The following SPTAN1 variants were observed in gnomAD, a reference collection of about 807,000 sequenced individuals.
SPTAN1 encodes the protein spectrin alpha chain, non-erythrocytic 1.
A neutral mutation model predicts 331.3 loss-of-function variants in SPTAN1; 61 were observed. The observed-to-expected ratio is 0.18, with a 90% confidence interval of 0.15 to 0.23. The LOEUF (loss-of-function observed/expected upper bound fraction) is 0.23. Ranked by LOEUF, SPTAN1 falls within the 10% of genes least tolerant of loss-of-function variation. SPTAN1 has a pLI of 1.00. For synonymous variants in SPTAN1, 1,153 were observed against 1,173.9 expected, an observed-to-expected ratio of 0.98 and a Z score of 0.36; for missense variants, 2,043 against 3,147.9, an observed-to-expected ratio of 0.65 and a Z score of 8.40.
At chr9:128,583,599 A>G (rs1226305752) in intron 15 of SPTAN1, among the ~76,000 whole-genome samples, 189 bp from the exon 16 acceptor site, 2 of 152,170 alleles carry the variant, frequency 1.3e-5, no homozygotes, top group Non-Finnish European at 2.9e-5. Context: ...GGGGGTTAGA[A>G]TGCTTCCAGT....
rs1858915080 is a variant in SPTAN1, at chr9:128,627,271, ATCT to A, written c.6577-113_6577-111del. The stretch of plus-strand genomic sequence containing the variant: ...TCATGTCTCCCAGCCTCCTCCTCTC[ATCT>A]TTGGGGAGGTTCCTTGTGGGGAGGC... On this transcript the variant is annotated intron_variant, in intron 49 of 56. Coordinates refer to ENST00000372739, the MANE Select transcript of SPTAN1 (RefSeq NM_001130438.3). This position sits in a 1 kb window ranked among gnomAD's most constrained non-coding sequence, Gnocchi z 4.9. The A allele has an allele frequency of 1.6e-5, 14 of 882,400 alleles. No homozygotes were observed. In the South Asian group the frequency reaches 2.2e-4, roughly 14 times the overall value. 54.7% of individuals were successfully genotyped at this position (882,400 alleles called of 1,614,324 possible). A position where few individuals can be genotyped will look rare whatever the true frequency, so the allele number is the denominator to read the frequency against.
intron 31 of SPTAN1, among the ~76,000 whole-genome samples, chr9:128,607,031 A>G (rs1476095042): frequency 1.3e-5 from 2 of 152,068 alleles, no homozygotes; most frequent in African/African-American, 4.8e-5. Context: ...TGGACATGTC[A>G]TATAAAAGGA....
intron 28 of SPTAN1, among the ~76,000 whole-genome samples, chr9:128,604,075 G>GC (rs1407213531): frequency 6.6e-6 from 1 of 152,228 alleles, no homozygotes; most frequent in Non-Finnish European, 1.5e-5. Flanking sequence ...AAAGTCAGCT[G>GC]TGTCTCTCCT....
intron 5 of SPTAN1, among the ~76,000 whole-genome samples, chr9:128,575,806 C>T (rs889202496): frequency 2.6e-5 from 4 of 152,096 alleles, no homozygotes; most frequent in African/African-American, 9.7e-5. Context: ...GGCGCTGGAG[C>T]CCATTAAGAG....
chr9:128,584,933 C>T lies in SPTAN1; in HGVS notation c.2560+90C>T, dbSNP rs547516794. On this transcript the variant is annotated intron_variant, in intron 18 of 56. Coordinates refer to ENST00000372739, the MANE Select transcript of SPTAN1 (RefSeq NM_001130438.3). ...GCATGGCCACGTGGGCATCACAAAC[C>T]AGGCTCTGGGGCTGAATACCATCCC... 11 of 1,519,718 alleles carry T rather than the reference C, an allele frequency of 7.2e-6. No individual in the cohort carries two copies. In the East Asian group the frequency reaches 2.3e-4, roughly 31 times the overall value. The allele number at this position is 1,519,718 out of a possible 1,614,324, so 94.1% of individuals were successfully genotyped here. A position where few individuals can be genotyped will look rare whatever the true frequency, so the allele number is the denominator to read the frequency against.
chr9:128,570,431 G>A (rs1405094124), intron 3 of SPTAN1, among the ~76,000 whole-genome samples: 7 of 143,368 alleles, frequency 4.9e-5, no homozygotes, highest in South Asian at 2.2e-4. Flanking sequence ...TCCACCTCCT[G>A]GGTTCAAGCA....
intron 18 of SPTAN1, among the ~76,000 whole-genome samples, chr9:128,585,103 T>G (rs1368770811): frequency 6.6e-6 from 1 of 151,164 alleles, no homozygotes; most frequent in African/African-American, 2.4e-5. Context: ...GAACCTCTGC[T>G]TCCCTAGTTC....
intron 1 of SPTAN1, among the ~76,000 whole-genome samples, chr9:128,563,628 C>T (rs374110359): frequency 3.3e-5 from 5 of 152,086 alleles, no homozygotes; most frequent in African/African-American, 9.7e-5. Flanking sequence ...TTATGGAGCT[C>T]TCTCCCTACC....
chr9:128,605,669 C>G, intron 31 of SPTAN1, among the ~76,000 whole-genome samples, 192 bp downstream of exon 31: 1 of 151,968 alleles, frequency 6.6e-6, no homozygotes, highest in East Asian at 1.9e-4. Context: ...CATGGCGAAA[C>G]CCTATTTCTA....
At chr9:128,605,657 T>C (rs1487546684) in intron 31 of SPTAN1, among the ~76,000 whole-genome samples, 180 bp downstream of exon 31, 1 of 152,000 alleles carries the variant, frequency 6.6e-6, no homozygotes, top group East Asian at 1.9e-4. Context: ...CAGCCTGGGC[T>C]ACATGGCGAA....
chr9:128,563,504 G>A lies in SPTAN1; in HGVS notation c.-3-3234G>A, dbSNP rs372824493. Among the ~76,000 whole-genome samples the A allele has an allele frequency of 5.3e-5, 8 of 152,298 alleles. No individual in the cohort carries two copies. The East Asian group carries it at 9.7e-4, about 18-fold the overall frequency. ...GTAATTCAGATTTAGTCATTAGGTT[G>A]ACACCTAGTTGTGTAGCTTTAGTCA... is the stretch of plus-strand genomic sequence containing the variant. On this transcript the variant is annotated intron_variant, in intron 1 of 56. Transcript: ENST00000372739.
Position 128,600,340 on chromosome 9 carries a change from C to T in SPTAN1, c.3579+225C>T, listed in dbSNP as rs79268762. Reference sequence around the variant, plus strand: ...CAGTACAGTTAGGTTGCATTGATTACCCATGTTGGTGCAGGATATGCTGCA... The same window carrying T: ...CAGTACAGTTAGGTTGCATTGATTATCCATGTTGGTGCAGGATATGCTGCA... On this transcript the variant is annotated intron_variant, in intron 27 of 56. Transcript: ENST00000372739. Among the ~76,000 whole-genome samples the T allele has an allele frequency of 0.023, 3,488 of 152,188 alleles. 136 individuals are homozygous for T. The highest frequency in any genetic ancestry group is 0.08 in the African/African-American group (3,312 of 41,470).
chr9:128,576,131 G>T (rs1368958875), intron 5 of SPTAN1, among the ~76,000 whole-genome samples: 1 of 152,122 alleles, frequency 6.6e-6, no homozygotes, highest in African/African-American at 2.4e-5. Context: ...AAGTAGTCAG[G>T]CCAAACCCAT....
chr9:128,561,642 A>C (rs1282962847), intron 1 of SPTAN1, among the ~76,000 whole-genome samples: 1 of 111,702 alleles, frequency 9.0e-6, no homozygotes, highest in African/African-American at 3.0e-5. Context: ...CAGCCTGGGC[A>C]ACAGAGCGAG....
chr9:128,560,979 G>A (rs1485163308), intron 1 of SPTAN1, among the ~76,000 whole-genome samples: 5 of 121,976 alleles, frequency 4.1e-5, no homozygotes, highest in Non-Finnish European at 7.9e-5. Flanking sequence ...TAGCATCACT[G>A]CACTCCAGCC....
At position 128,633,197 on chromosome 9, in the gene SPTAN1, C is replaced by CT; in HGVS notation, c.7309-10dup. On this transcript the variant is annotated splice_polypyrimidine_tract_variant and intron_variant, in intron 56 of 56. Coordinates refer to ENST00000372739, the MANE Select transcript of SPTAN1 (RefSeq NM_001130438.3). ...CTGGCTCAGGCACCAGGTGCCATCT[C>CT]TTACCCCACAGAACCTGACCCGGGA... The CT allele has an allele frequency of 6.2e-7, 1 of 1,613,990 alleles. No homozygotes were observed. Among genetic ancestry groups the CT allele is most frequent in the East Asian group, 2.2e-5 (1 of 44,878 alleles).
rs771356826 is a variant in SPTAN1, at chr9:128,587,676, G to A, written c.2849G>A (p.Arg950Gln). Residue 950 changes from arginine (R) to glutamine (Q), a missense_variant, in exon 20 of 57, where the codon CGA becomes CAA. By Grantham distance (43) the Arg-to-Gln change is conservative. Coordinates refer to ENST00000372739, the MANE Select transcript of SPTAN1 (RefSeq NM_001130438.3). The part of the protein sequence containing the change: ...SAYGSSIQAL[R>Q]EQAQSCRQQV... Reference sequence around the variant, plus strand: ...TACGGCAGCAGCATCCAGGCTTTGCGAGAACAAGCACAGTCCTGCCGGGTA... The same window carrying A: ...TACGGCAGCAGCATCCAGGCTTTGCAAGAACAAGCACAGTCCTGCCGGGTA... 8 of 1,613,942 alleles carry A rather than the reference G, an allele frequency of 5.0e-6. No homozygotes were observed. The highest frequency in any genetic ancestry group is 4.5e-5 in the East Asian group (2 of 44,892).
chr9:128,588,287 G>T (rs1852940860), intron 20 of SPTAN1, among the ~76,000 whole-genome samples: 1 of 148,080 alleles, frequency 6.8e-6, no homozygotes, highest in Admixed American at 6.8e-5. Context: ...TGAGCACTGT[G>T]CCCGGCCCTA....
chr9:128,557,795 A>ATTTTTTTTTTT (rs1564177309), intron 1 of SPTAN1, among the ~76,000 whole-genome samples: 1 of 138,064 alleles, frequency 7.2e-6, no homozygotes, highest in Non-Finnish European at 1.5e-5. Context: ...TAAATTAGAA[A>ATTTTTTTTTTT]TTTCTTTTTT....
Sources: allele counts gnomAD v4.1 joint callset (sites outside exome capture counted in the v4.1 genomes callset), GRCh38; gene constraint gnomAD v4.1.1; non-coding constraint Gnocchi (gnomAD v3.1); transcripts MANE v1.5; gene names NCBI Gene and HGNC (gene_info 2026-07-23, HGNC 2026-07-21).